GTF2B: variants seen among roughly 807,000 people sequenced by gnomAD.
GTF2B encodes the protein transcription initiation factor IIB.
Under a neutral mutation model 34.6 loss-of-function variants are expected in GTF2B, and 20 were observed. That is an observed-to-expected ratio of 0.58 (90% CI 0.41 to 0.84). The LOEUF (loss-of-function observed/expected upper bound fraction) is 0.84. Among genes scored for constraint, GTF2B ranks in the 40% least tolerant of loss-of-function variants. The pLI is 0.00. For missense variants in GTF2B, 237 were observed against 393.3 expected (o/e 0.60, Z 3.36); for synonymous variants, 142 against 132.4 (o/e 1.07, Z -0.50).
chr1:88,864,469 G>C (rs28570566), intron 2 of GTF2B, among the ~76,000 whole-genome samples: 13,295 of 152,206 alleles, frequency 0.087, 1,341 homozygotes, highest in African/African-American at 0.25. Context: ...GGGAAAAAAA[G>C]AGAAAACATT....
rs375002197 is a variant in GTF2B, at chr1:88,855,826, TTG to T, written c.817+1378_817+1379del. Among the ~76,000 whole-genome samples the T allele has an allele frequency of 4.4e-3, 663 of 152,314 alleles. 1 individual carries two copies. The highest frequency in any genetic ancestry group is 0.015 in the African/African-American group (620 of 41,574). Reference sequence around the variant, plus strand: ...GTGCCACCACACCCGACTAATTTTTTTGTGTTTTTAGTAGAGACAGGGTTTTG... The same window carrying T: ...GTGCCACCACACCCGACTAATTTTTTTGTTTTTAGTAGAGACAGGGTTTTG... On this transcript the variant is annotated intron_variant, in intron 6 of 6. Transcript: ENST00000370500.
intron 2 of GTF2B, among the ~76,000 whole-genome samples, chr1:88,874,761 G>A (rs547431278): frequency 1.6e-4 from 24 of 152,172 alleles, no homozygotes; most frequent in African/African-American, 5.8e-4. Context: ...AGAGAATTCA[G>A]AAGTAGAAGT....
At chr1:88,869,904 C>G (rs1002466855) in intron 2 of GTF2B, among the ~76,000 whole-genome samples, 1 of 148,570 alleles carries the variant, frequency 6.7e-6, no homozygotes, top group Non-Finnish European at 1.5e-5. Flanking sequence ...ATTACAGGCA[C>G]AAGCCACTGT....
chr1:88,868,739 T>A (rs1407041858), intron 2 of GTF2B, among the ~76,000 whole-genome samples: 1 of 28,362 alleles, frequency 3.5e-5, no homozygotes, highest in Non-Finnish European at 9.0e-5. Context: ...ATCTGTGTAT[T>A]CTTTTTTTTT....
rs1008388335 is a variant in GTF2B at position 88,865,559 on chromosome 1, T to C, written c.125-1445A>G. On this transcript the variant is annotated intron_variant, in intron 2 of 6. Transcript: ENST00000370500. ...CAAGATGGAGAAACCCCGTCTCTACTAAAAATACAAAATTAGTTGGTCATG... is the reference window on the plus strand; with the variant it reads ...CAAGATGGAGAAACCCCGTCTCTACCAAAAATACAAAATTAGTTGGTCATG... 1.1e-4 allele frequency among the ~76,000 whole-genome samples: 16 copies of C among 151,760 alleles called. 1 individual carries two copies. Among genetic ancestry groups the C allele is most frequent in the African/African-American group, 3.4e-4 (14 of 41,298 alleles).
chr1:88,856,803 G>GT (rs1226752005), intron 6 of GTF2B, among the ~76,000 whole-genome samples: 5 of 110,532 alleles, frequency 4.5e-5, no homozygotes, highest in African/African-American at 1.0e-4. Context: ...CTTAAACGTG[G>GT]GTTTTTTTTT....
At chr1:88,861,310 C>T (rs1002867246) in intron 3 of GTF2B, among the ~76,000 whole-genome samples, 2 of 152,194 alleles carry the variant, frequency 1.3e-5, no homozygotes, top group African/African-American at 4.8e-5. Flanking sequence ...TATGAAGAAG[C>T]CAATTTTCCC....
chr1:88,877,068 T>C (rs1286060500), intron 2 of GTF2B, among the ~76,000 whole-genome samples: 1 of 152,238 alleles, frequency 6.6e-6, no homozygotes, highest in Non-Finnish European at 1.5e-5. Context: ...AGTACAGATT[T>C]GTGTTCCTCA....
intron 5 of GTF2B, 99 bp from the exon 6 acceptor site, chr1:88,857,586 G>A (rs1673341761): frequency 1.6e-6 from 1 of 623,132 alleles, no homozygotes; most frequent in African/African-American, 1.9e-5. Context: ...CATTCTAATT[G>A]TAAAACATTC....
intron 2 of GTF2B, among the ~76,000 whole-genome samples, chr1:88,882,332 A>C (rs932548254): frequency 6.7e-6 from 1 of 148,822 alleles, no homozygotes; most frequent in Admixed American, 6.7e-5. Flanking sequence ...AAAAAAAAAA[A>C]AAAAACGCTA....
In GTF2B at chr1:88,866,239, T is replaced by A. The variant is rs1412642265; in HGVS notation, c.125-2125A>T. 5.3e-5 allele frequency among the ~76,000 whole-genome samples: 8 copies of A among 152,032 alleles called. No individual in the cohort carries two copies. The South Asian group carries it at 1.5e-3, about 28-fold the overall frequency. On this transcript the variant is annotated intron_variant, in intron 2 of 6. Transcript: ENST00000370500. ...CAAATTAGCTGGGCGTGGTGGCATG[T>A]GCCTGTAGGGAGGCTGAGGTGGGAG...
chr1:88,889,253 A>C (rs1014464727), intron 1 of GTF2B, among the ~76,000 whole-genome samples: 2 of 152,230 alleles, frequency 1.3e-5, no homozygotes, highest in African/African-American at 4.8e-5. Context: ...CTTTTGGACC[A>C]TTTGTATGTG....
intron 2 of GTF2B, among the ~76,000 whole-genome samples, chr1:88,885,058 T>C (rs13376108): frequency 0.12 from 17,759 of 152,300 alleles, 2,497 homozygotes; most frequent in African/African-American, 0.34. Context: ...TGGTTTCTGT[T>C]GAAGCTACTA....
At chr1:88,884,272 C>T (rs985699152) in intron 2 of GTF2B, among the ~76,000 whole-genome samples, 7 of 152,070 alleles carry the variant, frequency 4.6e-5, no homozygotes, top group African/African-American at 1.4e-4. Flanking sequence ...ATGATCCATC[C>T]GCCTCAGCCT....
chr1:88,873,938 G>T (rs747886448), intron 2 of GTF2B, among the ~76,000 whole-genome samples: 1 of 152,154 alleles, frequency 6.6e-6, no homozygotes, highest in Non-Finnish European at 1.5e-5. Flanking sequence ...ACTAATGAAA[G>T]AATGGGGAAA....
At chr1:88,864,462 A>G (rs1002576185) in intron 2 of GTF2B, among the ~76,000 whole-genome samples, 12 of 152,230 alleles carry the variant, frequency 7.9e-5, no homozygotes, top group Non-Finnish European at 1.6e-4. Context: ...TAGGCATGGG[A>G]AAAAAAGAGA....
chr1:88,873,233 A>T (rs1673740592), intron 2 of GTF2B, among the ~76,000 whole-genome samples: 2 of 128,220 alleles, frequency 1.6e-5, no homozygotes, highest in South Asian at 5.0e-4. Context: ...TGTGTCGCCC[A>T]GGCTGGAGGG....
chr1:88,867,206 C>A (rs1570724494), intron 2 of GTF2B, among the ~76,000 whole-genome samples: 1 of 152,288 alleles, frequency 6.6e-6, no homozygotes, highest in South Asian at 2.1e-4. Context: ...AAAAAAATTA[C>A]CTGCATTCCC....
rs1673226109 is a variant in GTF2B, at chr1:88,853,034, A to G, written c.*179T>C. 2 of 530,806 alleles carry G rather than the reference A, an allele frequency of 3.8e-6. No individual in the cohort carries two copies. The highest frequency in any genetic ancestry group is 7.0e-5 in the Admixed American group (2 of 28,718). The allele number at this position is 530,806 out of a possible 1,614,324, so 32.9% of individuals were successfully genotyped here. On this transcript the variant is annotated 3_prime_UTR_variant, in exon 7 of 7. Coordinates refer to ENST00000370500, the MANE Select transcript of GTF2B (RefSeq NM_001514.6). ...CAAAAGAAATTTGATAAGAAATTTA[A>G]ATCATTAAATATGTTTCACTAGTAT...
Sources: allele counts gnomAD v4.1 joint callset (sites outside exome capture counted in the v4.1 genomes callset), GRCh38; gene constraint gnomAD v4.1.1; transcripts MANE v1.5; gene names NCBI Gene and HGNC (gene_info 2026-07-23, HGNC 2026-07-21).